Variants in GRM1 observed in about 807,000 individuals in gnomAD.
GRM1 encodes glutamate metabotropic receptor 1.
GRM1 carries 33 observed loss-of-function variants against 90.9 expected under a neutral mutation model. That is an observed-to-expected ratio of 0.36 (90% confidence interval 0.28 to 0.49). The LOEUF (loss-of-function observed/expected upper bound fraction) is 0.49. GRM1 is among the 20% of genes least tolerant of loss of function. GRM1 has a pLI of 0.99. For synonymous variants in GRM1, 700 were observed against 613.2 expected (o/e 1.14, Z -2.09); for missense variants, 1,190 against 1,534.3 (o/e 0.78, Z 3.75).
At chr6:146,234,274 T>C (rs1210082458) in intron 2 of GRM1, among the ~76,000 whole-genome samples, 1 of 152,064 alleles carries the variant, frequency 6.6e-6, no homozygotes, top group Non-Finnish European at 1.5e-5. Context: ...TACAAGTGTA[T>C]CTTCCTTTTA....
chr6:146,068,591 A>T (rs1775927010), intron 1 of GRM1, among the ~76,000 whole-genome samples: 1 of 152,208 alleles, frequency 6.6e-6, no homozygotes, highest in African/African-American at 2.4e-5. Context: ...GGCCAGAGCT[A>T]ATCTACAGAA....
intron 2 of GRM1, among the ~76,000 whole-genome samples, chr6:146,186,824 T>A (rs903339569): frequency 1.3e-5 from 2 of 152,224 alleles, no homozygotes; most frequent in Non-Finnish European, 2.9e-5. Flanking sequence ...GTTCGCACTA[T>A]GTGTCCATTG....
chr6:146,073,591 A>G (rs1017444174), intron 1 of GRM1, among the ~76,000 whole-genome samples: 1 of 152,206 alleles, frequency 6.6e-6, no homozygotes, highest in Non-Finnish European at 1.5e-5. Flanking sequence ...AATAAATTAT[A>G]AAATTATAGA....
chr6:146,186,718 A>G (rs937633236), intron 2 of GRM1, among the ~76,000 whole-genome samples: 1 of 152,162 alleles, frequency 6.6e-6, no homozygotes, highest in African/African-American at 2.4e-5. Context: ...CTTTTCTTGT[A>G]CAAATGTCTA....
At chr6:146,410,670 A>T (rs1390761521) in intron 7 of GRM1, among the ~76,000 whole-genome samples, 3 of 151,880 alleles carry the variant, frequency 2.0e-5, no homozygotes, top group Non-Finnish European at 2.9e-5. Context: ...CATTAGCTAG[A>T]CCAAGAAGGA....
intron 1 of GRM1, among the ~76,000 whole-genome samples, chr6:146,153,479 T>C (rs1777412617): frequency 1.3e-5 from 2 of 152,158 alleles, no homozygotes; most frequent in African/African-American, 2.4e-5. Context: ...TATATGTAAG[T>C]TTGGAGCCTT....
chr6:146,128,794 C>A (rs554183383), intron 1 of GRM1, among the ~76,000 whole-genome samples: 2 of 151,962 alleles, frequency 1.3e-5, no homozygotes, highest in South Asian at 2.1e-4. Context: ...GAGAATCTTT[C>A]GTTTTAAAAG....
chr6:146,329,195 A>C (rs773467139), intron 3 of GRM1, among the ~76,000 whole-genome samples: 1 of 152,222 alleles, frequency 6.6e-6, no homozygotes, highest in African/African-American at 2.4e-5. Flanking sequence ...AAGCACAATG[A>C]AAAGGTGAGT....
intron 1 of GRM1, among the ~76,000 whole-genome samples, chr6:146,043,719 C>T (rs1791200837): frequency 6.8e-6 from 1 of 147,704 alleles, no homozygotes; most frequent in Admixed American, 6.8e-5. Context: ...ACTTCAATGG[C>T]ATTAATTTAT....
intron 2 of GRM1, among the ~76,000 whole-genome samples, chr6:146,257,579 T>A (rs1337289533): frequency 1.3e-5 from 2 of 152,018 alleles, no homozygotes; most frequent in Non-Finnish European, 2.9e-5. Context: ...TAATTTCTTA[T>A]AAAGAATTGA....
intron 1 of GRM1, among the ~76,000 whole-genome samples, chr6:146,095,950 T>C (rs372279213): frequency 3.2e-4 from 49 of 152,248 alleles, no homozygotes; most frequent in African/African-American, 1.1e-3. Context: ...ATTTCAGACA[T>C]GTTCTAATGT....
At chr6:146,374,065 TAAG>T (rs1282496434) in intron 5 of GRM1, among the ~76,000 whole-genome samples, 1 of 152,118 alleles carries the variant, frequency 6.6e-6, no homozygotes, top group Non-Finnish European at 1.5e-5. Context: ...GGAGTTTTAT[TAAG>T]AAGAGAAGTT....
chr6:146,273,612 T>A (rs1469607528), intron 2 of GRM1, among the ~76,000 whole-genome samples: 1 of 152,214 alleles, frequency 6.6e-6, no homozygotes, highest in Non-Finnish European at 1.5e-5. Context: ...GGGCTTAAGA[T>A]GCACCATTCT....
At chr6:146,124,623 T>C (rs552423319) in intron 1 of GRM1, among the ~76,000 whole-genome samples, 2 of 152,304 alleles carry the variant, frequency 1.3e-5, no homozygotes, top group South Asian at 4.1e-4. Flanking sequence ...TAAGAATTGG[T>C]TATACTACAA....
chr6:146,191,976 G>T (rs1254189495), intron 2 of GRM1, among the ~76,000 whole-genome samples: 1 of 152,090 alleles, frequency 6.6e-6, no homozygotes, highest in Non-Finnish European at 1.5e-5. Flanking sequence ...GGAAAAATTG[G>T]GATAAACATA....
chr6:146,079,697 A>C (rs1366126223), intron 1 of GRM1, among the ~76,000 whole-genome samples: 1 of 152,198 alleles, frequency 6.6e-6, no homozygotes, highest in Non-Finnish European at 1.5e-5. Context: ...TTTTCTTCCT[A>C]AGCAGTCAAT....
At chr6:146,159,754 C>T (rs4279455) in intron 2 of GRM1, 157 bp downstream of exon 2, 1 of 649,290 alleles carries the variant, frequency 1.5e-6, no homozygotes, top group Non-Finnish European at 2.7e-6. Flanking sequence ...AACATTAGTT[C>T]TGGATCTCAC....
At chr6:146,069,836 G>C in intron 1 of GRM1, among the ~76,000 whole-genome samples, 1 of 152,234 alleles carries the variant, frequency 6.6e-6, no homozygotes, top group Non-Finnish European at 1.5e-5. Flanking sequence ...GCTAAATGCT[G>C]TGCAAGTTGT....
chr6:146,142,524 C>G (rs946850284), intron 1 of GRM1, among the ~76,000 whole-genome samples: 5 of 152,104 alleles, frequency 3.3e-5, no homozygotes, highest in South Asian at 2.1e-4. Flanking sequence ...GAGATGCCAT[C>G]TAGGAGGCAG....
Sources: allele counts gnomAD v4.1 joint callset (sites outside exome capture counted in the v4.1 genomes callset), GRCh38; gene constraint gnomAD v4.1.1; transcripts MANE v1.5; gene names NCBI Gene and HGNC (gene_info 2026-07-23, HGNC 2026-07-21).